TBC1D5: variants seen among roughly 807,000 people sequenced by gnomAD.
TBC1D5 encodes TBC1 domain family, member 5.
In TBC1D5, 75 loss-of-function variants were observed where a neutral mutation model predicts 100.3. The observed-to-expected ratio is 0.75, with a 90% CI of 0.62 to 0.91. The LOEUF is 0.91. Among genes scored for constraint, TBC1D5 ranks in the 40% least tolerant of loss-of-function variants. TBC1D5 has a pLI of 0.00. For missense variants in TBC1D5, 910 were observed against 942.4 expected, an observed-to-expected ratio of 0.97 and a Z score of 0.45; for synonymous variants, 323 against 325.6, an observed-to-expected ratio of 0.99 and a Z score of 0.09.
At chr3:17,410,533 G>A (rs1120412) in intron 4 of TBC1D5, among the ~76,000 whole-genome samples, 75,002 of 151,956 alleles carry the variant, frequency 0.49, 20,022 homozygotes, top group African/African-American at 0.67. Flanking sequence ...TGGGCAAAGT[G>A]AATTCAAAAT....
intron 14 of TBC1D5, among the ~76,000 whole-genome samples, chr3:17,299,625 G>A (rs186435315): frequency 0.012 from 1,805 of 152,192 alleles, 30 homozygotes; most frequent in African/African-American, 0.041. Context: ...TTGAGAGGGC[G>A]AGATGGGCGG....
chr3:17,220,315 A>AT (rs1405547137), intron 17 of TBC1D5, among the ~76,000 whole-genome samples: 3 of 152,166 alleles, frequency 2.0e-5, no homozygotes, highest in Non-Finnish European at 1.5e-5. Context: ...TGGATATGAC[A>AT]TGATATTTTA....
Position 17,241,735 on chromosome 3 carries a change from G to C in TBC1D5, c.1332-3316C>G, listed in dbSNP as rs138240802. Among the ~76,000 whole-genome samples the C allele has an allele frequency of 5.2e-3, 785 of 152,264 alleles. 8 individuals are homozygous for C. The highest frequency in any genetic ancestry group is 0.018 in the African/African-American group (758 of 41,538). ...ACACTGGATTCTCTTCTAGTGAGAAGCATTACTATACAAAGTTAGCAGAGA... is the reference window on the plus strand; with the variant it reads ...ACACTGGATTCTCTTCTAGTGAGAACCATTACTATACAAAGTTAGCAGAGA... On this transcript the variant is annotated intron_variant, in intron 16 of 21. Coordinates refer to ENST00000253692, the Ensembl canonical transcript of TBC1D5.
At chr3:17,412,630 C>A (rs974844806) in intron 4 of TBC1D5, among the ~76,000 whole-genome samples, 1 of 151,962 alleles carries the variant, frequency 6.6e-6, no homozygotes, top group Non-Finnish European at 1.5e-5. Context: ...TTACAATGTG[C>A]CTGAAAAGCA....
At chr3:17,706,015 A>T in intron 1 of TBC1D5, 3 of 1,516,206 alleles carry the variant, frequency 2.0e-6, no homozygotes, top group Non-Finnish European at 2.7e-6. Context: ...TCTTGCTGTC[A>T]CCCAGCCTGG....
chr3:17,529,812 T>C (rs73155226), intron 2 of TBC1D5, among the ~76,000 whole-genome samples: 10,468 of 151,970 alleles, frequency 0.069, 694 homozygotes, highest in African/African-American at 0.18. Context: ...GCATTATTAA[T>C]ACTTGTGGGA....
chr3:17,534,276 T>C (rs2096262761), intron 2 of TBC1D5, among the ~76,000 whole-genome samples: 1 of 152,136 alleles, frequency 6.6e-6, no homozygotes, highest in South Asian at 2.1e-4. Flanking sequence ...TCTTAAACTA[T>C]GCAAAATATG....
chr3:17,472,596 T>A (rs758702915), intron 3 of TBC1D5, among the ~76,000 whole-genome samples: 4 of 152,212 alleles, frequency 2.6e-5, no homozygotes, highest in Admixed American at 6.5e-5. Context: ...ACCAGATATA[T>A]TTTACATATT....
At chr3:17,632,583 T>C (rs117756860) in intron 1 of TBC1D5, among the ~76,000 whole-genome samples, 2,521 of 152,198 alleles carry the variant, frequency 0.017, 53 homozygotes, top group South Asian at 0.048. Context: ...ATACGGCAAA[T>C]TGCACTGCTG....
At chr3:17,463,599 A>T (rs557814638) in intron 3 of TBC1D5, among the ~76,000 whole-genome samples, 20 of 152,326 alleles carry the variant, frequency 1.3e-4, no homozygotes, top group African/African-American at 3.4e-4. Flanking sequence ...ATAATATTTT[A>T]AAAAACTGAA....
intron 1 of TBC1D5, among the ~76,000 whole-genome samples, chr3:17,668,908 T>C (rs2067596419): frequency 6.6e-6 from 1 of 152,150 alleles, no homozygotes; most frequent in Non-Finnish European, 1.5e-5. Context: ...CTGACTCGAA[T>C]CCCAGCTCCC....
Position 17,697,694 on chromosome 3 carries a change from A to G in TBC1D5, c.-101+41649T>C, listed in dbSNP as rs531669751. Among the ~76,000 whole-genome samples, 771 of 152,352 alleles carry G rather than the reference A, an allele frequency of 5.1e-3. 5 individuals carry two copies. The highest frequency in any genetic ancestry group is 9.0e-3 in the Non-Finnish European group (609 of 68,038). On this transcript the variant is annotated intron_variant, in intron 1 of 21. Coordinates refer to ENST00000253692, the Ensembl canonical transcript of TBC1D5. ...GGCCATACTGCCCAAGGTAATTTATAGATTCAATGCCATCCCCATCAAGCT... is the reference window on the plus strand; with the variant it reads ...GGCCATACTGCCCAAGGTAATTTATGGATTCAATGCCATCCCCATCAAGCT...
intron 2 of TBC1D5, among the ~76,000 whole-genome samples, chr3:17,539,192 T>G (rs1576591578): frequency 6.6e-6 from 1 of 151,812 alleles, no homozygotes; most frequent in Non-Finnish European, 1.5e-5. Context: ...TACAAATAAA[T>G]AAAAAATAAA....
intron 3 of TBC1D5, among the ~76,000 whole-genome samples, chr3:17,473,231 C>T (rs973780020): frequency 2.6e-5 from 4 of 152,008 alleles, no homozygotes; most frequent in East Asian, 1.9e-4. Context: ...GGCAACATAG[C>T]GAGACTCTGT....
chr3:17,555,730 G>A (rs142896284), intron 2 of TBC1D5, among the ~76,000 whole-genome samples: 4 of 152,294 alleles, frequency 2.6e-5, no homozygotes, highest in Non-Finnish European at 5.9e-5. Context: ...GTCATGTGAT[G>A]CTATACTACA....
In TBC1D5 at chr3:17,257,389, C is replaced by T. The variant is rs184525628; in HGVS notation, c.1331+1117G>A. On this transcript the variant is annotated intron_variant, in intron 16 of 21. Coordinates refer to ENST00000253692, the Ensembl canonical transcript of TBC1D5. The stretch of plus-strand genomic sequence containing the variant: ...ATCTCCTGTGTTTAAAATAATCAAT[C>T]TGGCAGTCATTAAAACTCTGTTGAA... Among the ~76,000 whole-genome samples the T allele has an allele frequency of 2.4e-4, 36 of 152,296 alleles. No individual in the cohort carries two copies. In the East Asian group the frequency reaches 7.0e-3, roughly 29 times the overall value.
chr3:17,656,560 C>T (rs1041761365), intron 1 of TBC1D5, among the ~76,000 whole-genome samples: 5 of 152,102 alleles, frequency 3.3e-5, no homozygotes, highest in African/African-American at 1.2e-4. Context: ...CCCATGAAAG[C>T]CCCTACTTCC....
At chr3:17,657,780 A>T (rs547746010) in intron 1 of TBC1D5, among the ~76,000 whole-genome samples, 39 of 152,276 alleles carry the variant, frequency 2.6e-4, no homozygotes, top group African/African-American at 8.7e-4. Flanking sequence ...CTCAACACCT[A>T]TCTTATTTCC....
chr3:17,235,115 G>C (rs1246909797), intron 17 of TBC1D5, among the ~76,000 whole-genome samples: 1 of 152,026 alleles, frequency 6.6e-6, no homozygotes, highest in Non-Finnish European at 1.5e-5. Context: ...TTAATGTATA[G>C]AGACTGACAA....
Sources: allele counts gnomAD v4.1 joint callset (sites outside exome capture counted in the v4.1 genomes callset), GRCh38; gene constraint gnomAD v4.1.1; transcripts MANE v1.5; gene names NCBI Gene and HGNC (gene_info 2026-07-23, HGNC 2026-07-21).